The following UBXN7 variants were observed in gnomAD, a reference collection of about 807,000 sequenced individuals.
UBXN7 encodes the protein UBX domain-containing protein 7.
Under a neutral mutation model 58.0 loss-of-function variants are expected in UBXN7, and 9 were observed. The observed-to-expected ratio is 0.16, with a 90% CI of 0.09 to 0.27. UBXN7 has a LOEUF of 0.27. UBXN7 is among the 10% of genes least tolerant of loss of function. The pLI is 1.00. For missense variants in UBXN7, 328 were observed against 599.6 expected (o/e 0.55, Z 4.73); for synonymous variants, 208 against 205.0 (o/e 1.01, Z -0.12).
intron 3 of UBXN7, 114 bp from the exon 4 acceptor site, chr3:196,393,733 C>A: frequency 1.0e-6 from 1 of 986,554 alleles, no homozygotes; most frequent in African/African-American, 1.6e-5. Flanking sequence ...CCTTCACGAA[C>A]TGCATGTCAC....
intron 5 of UBXN7, among the ~76,000 whole-genome samples, chr3:196,375,183 CCACACA>C (rs56188527): frequency 0.02 from 2,826 of 139,786 alleles, 58 homozygotes; most frequent in African/African-American, 0.049. Flanking sequence ...GGTGCTCTTA[CCACACA>C]CACACACACA....
rs201898622 is a variant in UBXN7, at chr3:196,402,989, C to T, written c.252G>A (p.Lys84=). The T allele has an allele frequency of 1.3e-6, 2 of 1,597,748 alleles. No individual in the cohort carries two copies. The highest frequency in any genetic ancestry group is 3.7e-5 in the Admixed American group (2 of 54,212). ...GTTCTGGTTCCACCAGTATTTCCTG[C>T]TTTTGAGGAATTGGGGCACGAACTT... is the stretch of plus-strand genomic sequence containing the variant. ...EEEVRAPIPQ[K]QEILVEPEPL... is the part of the protein sequence containing the mutation. The change falls in exon 3 of 11, where the codon AAG becomes AAA. Residue 84 remains lysine (K), a synonymous_variant. Coordinates refer to ENST00000296328, the MANE Select transcript of UBXN7 (RefSeq NM_015562.2).
At chr3:196,358,376 G>C (rs1422158386) in intron 10 of UBXN7, among the ~76,000 whole-genome samples, 1 of 152,162 alleles carries the variant, frequency 6.6e-6, no homozygotes, top group Non-Finnish European at 1.5e-5. Context: ...GCATGAAACA[G>C]AAAAATCTTC....
intron 3 of UBXN7, among the ~76,000 whole-genome samples, chr3:196,401,218 C>CCTGA (rs751370145): frequency 9.8e-6 from 1 of 101,824 alleles, no homozygotes; most frequent in Non-Finnish European, 1.8e-5. Context: ...TCAAGATCAG[C>CCTGA]CTGACTAACA....
chr3:196,401,524 A>C (rs1043814237), intron 3 of UBXN7, among the ~76,000 whole-genome samples: 2 of 150,706 alleles, frequency 1.3e-5, no homozygotes, highest in African/African-American at 4.9e-5. Flanking sequence ...TTAATGCAGG[A>C]ACAGAAAGCC....
At chr3:196,367,394 C>A (rs889116240) in intron 8 of UBXN7, among the ~76,000 whole-genome samples, 7 of 151,986 alleles carry the variant, frequency 4.6e-5, no homozygotes, top group Admixed American at 4.6e-4. Context: ...TCTAGGAGGG[C>A]CAGAGAGCCA....
At chr3:196,419,774 C>T (rs370867790) in intron 1 of UBXN7, among the ~76,000 whole-genome samples, 4 of 152,258 alleles carry the variant, frequency 2.6e-5, no homozygotes, top group Middle Eastern at 3.4e-3. Context: ...CAAAAGACTA[C>T]TCGAACCTTC....
At chr3:196,405,942 A>G (rs1465512553) in intron 2 of UBXN7, among the ~76,000 whole-genome samples, 1 of 152,248 alleles carries the variant, frequency 6.6e-6, no homozygotes, top group Non-Finnish European at 1.5e-5. Context: ...CATGTTTTAT[A>G]CAATGAGGAT....
intron 8 of UBXN7, among the ~76,000 whole-genome samples, chr3:196,365,616 G>A (rs1577435131): frequency 6.6e-6 from 1 of 152,086 alleles, no homozygotes; most frequent in Non-Finnish European, 1.5e-5. Flanking sequence ...ACAGTCGGGG[G>A]AAAAAAGGGA....
Position 196,353,410 on chromosome 3 carries a change from T to C in UBXN7, c.*3275A>G, listed in dbSNP as rs1728262253. ...TCTCATTTGGCACTGTTGTTTTCTCTTCTCCAGTTCCTTCCGATACCAATT... is the reference window on the plus strand; with the variant it reads ...TCTCATTTGGCACTGTTGTTTTCTCCTCTCCAGTTCCTTCCGATACCAATT... On this transcript the variant is annotated 3_prime_UTR_variant, in exon 11 of 11. Coordinates refer to ENST00000296328, the MANE Select transcript of UBXN7 (RefSeq NM_015562.2). The C allele has an allele frequency of 6.6e-6, 1 of 152,210 alleles. No individual in the cohort carries two copies. The allele number at this position is 152,210 out of a possible 1,614,324, so 9.4% of individuals were successfully genotyped here.
At chr3:196,373,771 T>C (rs1577441182) in intron 5 of UBXN7, among the ~76,000 whole-genome samples, 1 of 152,210 alleles carries the variant, frequency 6.6e-6, no homozygotes, top group African/African-American at 2.4e-5. Context: ...TTAGCCAGGC[T>C]GGTTTGGAAC....
Position 196,356,672 on chromosome 3 carries a change from T to G in UBXN7, c.*13A>C. On this transcript the variant is annotated 3_prime_UTR_variant, in exon 11 of 11. Coordinates refer to ENST00000296328, the MANE Select transcript of UBXN7 (RefSeq NM_015562.2). The stretch of plus-strand genomic sequence containing the variant: ...GAAAAAAGGGGTAAGCTGAGAGAGG[T>G]CAAGCCATGGTGTTAATTTCTTTCC... 3 of 1,584,676 alleles carry G rather than the reference T, an allele frequency of 1.9e-6. No homozygotes were observed. The highest frequency in any genetic ancestry group is 2.6e-6 in the Non-Finnish European group (3 of 1,171,564).
At chr3:196,366,610 T>G (rs1246034071) in intron 8 of UBXN7, among the ~76,000 whole-genome samples, 1 of 152,018 alleles carries the variant, frequency 6.6e-6, no homozygotes, top group Non-Finnish European at 1.5e-5. Flanking sequence ...AATAAAAATG[T>G]TGCTAGGTGT....
chr3:196,388,738 CAA>C (rs1729490080), intron 5 of UBXN7, among the ~76,000 whole-genome samples: 2 of 152,162 alleles, frequency 1.3e-5, no homozygotes, highest in Non-Finnish European at 2.9e-5. Context: ...CTTGGTCAGC[CAA>C]AGAGTATCCC....
chr3:196,428,389 G>A (rs973077706), intron 1 of UBXN7, among the ~76,000 whole-genome samples: 1 of 150,130 alleles, frequency 6.7e-6, no homozygotes, highest in Non-Finnish European at 1.5e-5. Context: ...AGGCGGTAAG[G>A]ATGCAGCAAG....
In UBXN7 at chr3:196,352,535, C is replaced by T. The variant is rs565438663; in HGVS notation, c.*4150G>A. The T allele has an allele frequency of 8.4e-4, 128 of 152,226 alleles. 1 individual carries two copies. The highest frequency in any genetic ancestry group is 2.8e-3 in the African/African-American group (116 of 41,528). The allele number at this position is 152,226 out of a possible 1,614,324, so 9.4% of individuals were successfully genotyped here. A position where few individuals can be genotyped will look rare whatever the true frequency, so the allele number is the denominator to read the frequency against. ...TATTGGGATTACAGGCATGAGCCAC[C>T]ACACCTGGCCAGGAATTAGATCTCA... On this transcript the variant is annotated 3_prime_UTR_variant, in exon 11 of 11. Transcript: ENST00000296328. This position sits in a 1 kb window ranked among gnomAD's most constrained non-coding sequence, Gnocchi z 4.1.
At chr3:196,401,291 A>G (rs1246644894) in intron 3 of UBXN7, among the ~76,000 whole-genome samples, 19 of 101,828 alleles carry the variant, frequency 1.9e-4, no homozygotes, top group Non-Finnish European at 3.3e-4. Flanking sequence ...ATATATATAT[A>G]TATATATACA....
chr3:196,388,473 G>GTT (rs569238340), intron 5 of UBXN7, among the ~76,000 whole-genome samples: 324 of 146,062 alleles, frequency 2.2e-3, no homozygotes, highest in African/African-American at 2.7e-3. Flanking sequence ...GCTACTGTTT[G>GTT]TTTTTTTTTT....
At chr3:196,430,180 C>T (rs1281306323) in intron 1 of UBXN7, among the ~76,000 whole-genome samples, 1 of 151,850 alleles carries the variant, frequency 6.6e-6, no homozygotes, top group East Asian at 1.9e-4. Flanking sequence ...CATGATGAAA[C>T]CCCGCCTCTA....
Sources: gnomAD v4.1 joint callset for allele counts (sites outside exome capture counted in the v4.1 genomes callset) on GRCh38, gnomAD v4.1.1 for gene constraint, Gnocchi (gnomAD v3.1) non-coding constraint, MANE v1.5 for transcripts, NCBI Gene and HGNC (gene_info 2026-07-23, HGNC 2026-07-21) for gene names.